Variants in ERN1 observed in about 807,000 individuals in gnomAD.
ERN1 encodes endoplasmic reticulum to nucleus signaling 1.
A neutral mutation model predicts 113.1 loss-of-function variants in ERN1; 39 were observed. That is an observed-to-expected ratio of 0.34 (90% CI 0.27 to 0.45). The LOEUF (loss-of-function observed/expected upper bound fraction) is 0.45, where lower values mean the gene tolerates loss of function less well. Among genes scored for constraint, ERN1 ranks in the 20% least tolerant of loss-of-function variants. ERN1 has a pLI of 1.00. For missense variants in ERN1, 976 were observed against 1,274.8 expected (o/e 0.77, Z 3.57); for synonymous variants, 507 against 515.9 (o/e 0.98, Z 0.23).
intron 1 of ERN1, chr17:64,098,560 G>C: frequency 3.5e-6 from 2 of 574,554 alleles, no homozygotes; most frequent in South Asian, 2.8e-5. Flanking sequence ...TCCTTCTCTT[G>C]GGCCTATTCT....
At chr17:64,072,165 CT>C (rs1913441950) in intron 5 of ERN1, 62 bp from the exon 6 acceptor site, 1 of 1,580,010 alleles carries the variant, frequency 6.3e-7, no homozygotes, top group African/African-American at 1.3e-5. Flanking sequence ...CGCTGCCAAA[CT>C]AGCAGCCAAG....
chr17:64,054,398 A>G lies in ERN1; in HGVS notation c.1805T>C (p.Leu602Pro), dbSNP rs1020519379. The change falls in exon 15 of 22, where the codon CTC becomes CCC. Residue 602 changes from leucine to proline, a missense_variant. By Grantham distance (98) the Leu-to-Pro change is moderately conservative. Coordinates refer to ENST00000433197, the MANE Select transcript of ERN1 (RefSeq NM_001433.5). The surrounding 1 kb of genome is among the most constrained non-coding windows in gnomAD (Gnocchi z 4.9). ...DNRDVAVKRI[L>P]PECFSFADRE... The stretch of plus-strand genomic sequence containing the variant: ...GTCTGCGAAGCTAAAACACTCGGGG[A>G]GGATCCTCTTCACGGCCACGTCGCG... 6.3e-7 allele frequency: 1 copy of G among 1,593,590 alleles called. No individual in the cohort carries two copies. The highest frequency in any genetic ancestry group is 8.5e-7 in the Non-Finnish European group (1 of 1,170,128).
Position 64,045,438 on chromosome 17 carries a change from G to A in ERN1, c.2574C>T (p.Ile858=), listed in dbSNP as rs1243079768. 13 of 1,613,830 alleles carry A rather than the reference G, an allele frequency of 8.1e-6. No individual in the cohort carries two copies. Among genetic ancestry groups the A allele is most frequent in the Admixed American group, 5.0e-5 (3 of 60,006 alleles). ...TCCCGCCTCTCTCTAACTGCTTCACGATCGGGCCATCCAGGGATTCCTTTT... is the reference window on the plus strand; with the variant it reads ...TCCCGCCTCTCTCTAACTGCTTCACAATCGGGCCATCCAGGGATTCCTTTT... The part of the protein sequence containing the change: ...RIEKESLDGP[I]VKQLERGGRA... The change falls in exon 20 of 22, where the codon ATC becomes ATT. Residue 858 remains isoleucine (I), a synonymous_variant. Coordinates refer to ENST00000433197, the MANE Select transcript of ERN1 (RefSeq NM_001433.5).
intron 1 of ERN1, chr17:64,102,911 A>G (rs1914426100): frequency 3.1e-6 from 3 of 982,960 alleles, no homozygotes; most frequent in Non-Finnish European, 3.6e-6. Flanking sequence ...AAAAAAAAAA[A>G]GTGGAATATA....
intron 2 of ERN1, among the ~76,000 whole-genome samples, chr17:64,082,759 T>C (rs1010763646): frequency 6.6e-6 from 1 of 152,192 alleles, no homozygotes; most frequent in African/African-American, 2.4e-5. Context: ...AGATATGCCC[T>C]GTATCAGGAA....
intron 17 of ERN1, among the ~76,000 whole-genome samples, chr17:64,051,419 A>G (rs566968368): frequency 5.9e-5 from 9 of 152,218 alleles, no homozygotes; most frequent in Middle Eastern, 3.2e-3. Flanking sequence ...AGAGGAGGTG[A>G]TAATAATCTT....
At chr17:64,072,166 T>C in intron 5 of ERN1, 63 bp from the exon 6 acceptor site, 1 of 1,580,648 alleles carries the variant, frequency 6.3e-7, no homozygotes, top group Non-Finnish European at 8.6e-7. Flanking sequence ...GCTGCCAAAC[T>C]AGCAGCCAAG....
At chr17:64,112,810 A>G (rs1914709942) in intron 1 of ERN1, among the ~76,000 whole-genome samples, 1 of 152,206 alleles carries the variant, frequency 6.6e-6, no homozygotes, top group African/African-American at 2.4e-5. Flanking sequence ...ATCATAAACC[A>G]GTAAATGCAA....
rs571525316 is a variant in ERN1 at position 64,121,085 on chromosome 17, C to G, written c.54+8891G>C. Among the ~76,000 whole-genome samples the G allele has an allele frequency of 1.8e-4, 28 of 152,270 alleles. No individual in the cohort carries two copies. In the East Asian group the frequency reaches 4.3e-3, roughly 23 times the overall value. On this transcript the variant is annotated intron_variant, in intron 1 of 21. Coordinates refer to ENST00000433197, the MANE Select transcript of ERN1 (RefSeq NM_001433.5). ...ACTCCCAGGGGCACCTTCCTTCCCC[C>G]CTTGCTCCTTCCTTCCCTCATTAGT...
intron 20 of ERN1, 139 bp from the exon 21 acceptor site, chr17:64,045,066 T>A: frequency 6.9e-6 from 5 of 723,322 alleles, no homozygotes; most frequent in Non-Finnish European, 1.2e-5. Flanking sequence ...TGGGAGCAGA[T>A]CCTCCCATCC....
intron 1 of ERN1, among the ~76,000 whole-genome samples, chr17:64,099,321 T>C (rs556553750): frequency 6.6e-6 from 1 of 152,156 alleles, no homozygotes; most frequent in African/African-American, 2.4e-5. Flanking sequence ...CTAGGAATTG[T>C]ACCCTCATTC....
At chr17:64,120,591 A>AT (rs1318192970) in intron 1 of ERN1, among the ~76,000 whole-genome samples, 4 of 152,198 alleles carry the variant, frequency 2.6e-5, no homozygotes, top group African/African-American at 9.7e-5. Context: ...GCCAAGGTTC[A>AT]TTTTTTTAAC....
In ERN1 at chr17:64,040,033, G is replaced by C. The variant is rs1912289111; in HGVS notation, c.*3955C>G. 6.6e-6 allele frequency: 1 copy of C among 152,200 alleles called. No homozygotes were observed. Among genetic ancestry groups the C allele is most frequent in the Admixed American group, 6.5e-5 (1 of 15,270 alleles). 9.4% of individuals were successfully genotyped at this position (152,200 alleles called of 1,614,324 possible). ...AAGATGATGTCCAACCTGGGAGGGTGGAATTTCGGCTCACCTGGAGAGGAT... is the reference window on the plus strand; with the variant it reads ...AAGATGATGTCCAACCTGGGAGGGTCGAATTTCGGCTCACCTGGAGAGGAT... On this transcript the variant is annotated 3_prime_UTR_variant, in exon 22 of 22. Transcript: ENST00000433197.
At chr17:64,101,410 CA>C (rs767547218) in intron 1 of ERN1, among the ~76,000 whole-genome samples, 11 of 140,556 alleles carry the variant, frequency 7.8e-5, no homozygotes, top group East Asian at 6.1e-4. Flanking sequence ...GCTCTGTCTC[CA>C]AAAAAAAAAG....
chr17:64,101,387 G>A (rs1914381230), intron 1 of ERN1, among the ~76,000 whole-genome samples: 1 of 152,002 alleles, frequency 6.6e-6, no homozygotes, highest in African/African-American at 2.4e-5. Flanking sequence ...GCCAGCCTGG[G>A]GGATAGAGCG....
chr17:64,045,288 C>A, intron 20 of ERN1, 71 bp downstream of exon 20: 1 of 1,596,918 alleles, frequency 6.3e-7, no homozygotes. Context: ...GCGGCCATTT[C>A]CACGTTTACT....
chr17:64,049,761 C>T lies in ERN1; in HGVS notation c.2254-559G>A, dbSNP rs960272883. On this transcript the variant is annotated intron_variant, in intron 17 of 21. Coordinates refer to ENST00000433197, the MANE Select transcript of ERN1 (RefSeq NM_001433.5). This position sits in a 1 kb window ranked among gnomAD's most constrained non-coding sequence, Gnocchi z 4.7. ...AAGGAGGTCATGTTTGATGTTAATC[C>T]GAGAAAGCCTCTCACTTATCCCATG... Among the ~76,000 whole-genome samples, 26 of 152,108 alleles carry T rather than the reference C, an allele frequency of 1.7e-4. No individual in the cohort carries two copies. The highest frequency in any genetic ancestry group is 3.9e-4 in the Admixed American group (6 of 15,286).
chr17:64,061,850 C>T (rs555797571), intron 10 of ERN1, among the ~76,000 whole-genome samples: 2 of 152,368 alleles, frequency 1.3e-5, no homozygotes, highest in South Asian at 4.1e-4. Context: ...GCAGCAGTGT[C>T]CTGCCCTTCC....
chr17:64,096,786 T>G (rs923477832), intron 2 of ERN1, among the ~76,000 whole-genome samples: 1 of 152,196 alleles, frequency 6.6e-6, no homozygotes, highest in Non-Finnish European at 1.5e-5. Flanking sequence ...TGCATACAGA[T>G]GACATTACTT....
Sources: allele counts gnomAD v4.1 joint callset (sites outside exome capture counted in the v4.1 genomes callset), GRCh38; gene constraint gnomAD v4.1.1; non-coding constraint Gnocchi (gnomAD v3.1); transcripts MANE v1.5; gene names NCBI Gene and HGNC (gene_info 2026-07-23, HGNC 2026-07-21).